The following ASIC2 variants were observed in gnomAD, a reference collection of about 807,000 sequenced individuals.
The protein encoded by ASIC2 is acid-sensing ion channel 2.
A neutral mutation model predicts 57.3 loss-of-function variants in ASIC2; 25 were observed. That is an observed-to-expected ratio of 0.44 (90% CI 0.32 to 0.61). ASIC2 has a LOEUF of 0.61. Ranked by LOEUF, ASIC2 falls within the 20% of genes least tolerant of loss-of-function variation. The pLI, the probability that ASIC2 is intolerant of heterozygous loss-of-function variation, is 0.06. For synonymous variants in ASIC2, 319 were observed against 307.5 expected, an observed-to-expected ratio of 1.04 and a Z score of -0.39; for missense variants, 641 against 738.1, an observed-to-expected ratio of 0.87 and a Z score of 1.52.
intron 1 of ASIC2, among the ~76,000 whole-genome samples, chr17:33,773,143 C>T (rs535572769): frequency 6.6e-6 from 1 of 152,244 alleles, no homozygotes; most frequent in Admixed American, 6.5e-5. Context: ...ACTTCTAAAA[C>T]TTTGTGTCTA....
intron 1 of ASIC2, among the ~76,000 whole-genome samples, chr17:33,872,923 C>A (rs957805058): frequency 6.6e-6 from 1 of 152,040 alleles, no homozygotes; most frequent in African/African-American, 2.4e-5. Context: ...GTTCCACAAG[C>A]CTGGGGTGGG....
At chr17:33,603,583 C>T (rs943322130) in intron 1 of ASIC2, among the ~76,000 whole-genome samples, 2 of 152,188 alleles carry the variant, frequency 1.3e-5, no homozygotes, top group African/African-American at 4.8e-5. Flanking sequence ...CATGAGGCCA[C>T]TCACCTGTTT....
intron 1 of ASIC2, among the ~76,000 whole-genome samples, chr17:33,484,955 G>T (rs908673650): frequency 6.6e-6 from 1 of 152,228 alleles, no homozygotes; most frequent in Non-Finnish European, 1.5e-5. Flanking sequence ...CACCTATGGG[G>T]TAGCCCTGCT....
intron 1 of ASIC2, chr17:33,572,209 CCACT>C (rs1916470313): frequency 1.3e-5 from 2 of 152,150 alleles, no homozygotes; most frequent in South Asian, 4.1e-4. Flanking sequence ...TGATATGGAA[CCACT>C]CACTCCTATT....
At chr17:33,158,431 G>C (rs190126013) in intron 1 of ASIC2, among the ~76,000 whole-genome samples, 244 of 152,334 alleles carry the variant, frequency 1.6e-3, no homozygotes, top group Admixed American at 3.5e-3. Context: ...ACTGGTCTAG[G>C]GGGTGAATGA....
Position 33,013,811 on chromosome 17 carries a change from G to C in ASIC2, c.*154C>G. The C allele has an allele frequency of 2.9e-6, 2 of 681,010 alleles. No individual in the cohort carries two copies. The highest frequency in any genetic ancestry group is 2.6e-6 in the Non-Finnish European group (1 of 387,086). The allele number at this position is 681,010 out of a possible 1,614,324, so 42.2% of individuals were successfully genotyped here. A position where few individuals can be genotyped will look rare whatever the true frequency, so the allele number is the denominator to read the frequency against. ...GGATGCGTCGTGTTGGACGTGGCCG[G>C]AGCGAGGTCTAGGCAGCTAGTCTGC... is the stretch of plus-strand genomic sequence containing the variant. On this transcript the variant is annotated 3_prime_UTR_variant, in exon 10 of 10. Transcript: ENST00000225823.
At chr17:33,269,984 C>T (rs923880579) in intron 1 of ASIC2, among the ~76,000 whole-genome samples, 7 of 152,168 alleles carry the variant, frequency 4.6e-5, no homozygotes, top group African/African-American at 1.7e-4. Context: ...CCTCTCTGCT[C>T]CATCCATGCA....
chr17:33,898,831 C>A (rs144010436), intron 1 of ASIC2, among the ~76,000 whole-genome samples: 3 of 152,134 alleles, frequency 2.0e-5, no homozygotes, highest in African/African-American at 7.2e-5. Flanking sequence ...GATTTTGCCC[C>A]AATTCTAAAT....
At chr17:33,450,220 G>A (rs910640130) in intron 1 of ASIC2, among the ~76,000 whole-genome samples, 1 of 152,184 alleles carries the variant, frequency 6.6e-6, no homozygotes, top group Non-Finnish European at 1.5e-5. Flanking sequence ...GGCACGCTCC[G>A]TATACATGCA....
chr17:33,367,308 C>T (rs1028158488), intron 1 of ASIC2, among the ~76,000 whole-genome samples: 2 of 152,314 alleles, frequency 1.3e-5, no homozygotes, highest in Admixed American at 6.5e-5. Context: ...GTACTAAACT[C>T]CACGAACTCC....
chr17:33,826,331 G>A (rs775557269), intron 1 of ASIC2, among the ~76,000 whole-genome samples: 12 of 152,200 alleles, frequency 7.9e-5, no homozygotes, highest in Non-Finnish European at 1.5e-4. Context: ...ATATGATGGA[G>A]GGCGCAGAGA....
intron 1 of ASIC2, among the ~76,000 whole-genome samples, chr17:33,626,870 C>T (rs1350616424): frequency 6.6e-6 from 1 of 152,156 alleles, no homozygotes; most frequent in Non-Finnish European, 1.5e-5. Context: ...GCCCTATGAA[C>T]ACAATTCTGA....
rs560807143 is a variant in ASIC2, at chr17:33,111,040, G to C, written c.859+877C>G. The stretch of plus-strand genomic sequence containing the variant: ...ACCTTCTCTTCCTGGTGAAATTCTA[G>C]AGGCTACCATCACTCCTTGGCTTGT... On this transcript the variant is annotated intron_variant, in intron 2 of 9. Transcript: ENST00000225823. 1.9e-4 allele frequency among the ~76,000 whole-genome samples: 29 copies of C among 152,278 alleles called. No homozygotes were observed. The South Asian group carries it at 5.8e-3, about 31-fold the overall frequency.
intron 1 of ASIC2, among the ~76,000 whole-genome samples, chr17:33,460,235 T>C (rs1227826121): frequency 1.3e-5 from 2 of 152,184 alleles, no homozygotes; most frequent in Non-Finnish European, 2.9e-5. Flanking sequence ...TGGCTTGAGC[T>C]GATTAGTATG....
intron 1 of ASIC2, among the ~76,000 whole-genome samples, chr17:33,284,648 G>A (rs540313835): frequency 6.6e-6 from 1 of 152,142 alleles, no homozygotes; most frequent in Non-Finnish European, 1.5e-5. Context: ...TGGCAGAATG[G>A]AGCCATAGGA....
In ASIC2 at chr17:34,156,693, G is replaced by A; in HGVS notation, c.-161C>T. 1.4e-6 allele frequency: 1 copy of A among 691,704 alleles called. No individual in the cohort carries two copies. The allele number at this position is 691,704 out of a possible 1,614,324, so 42.8% of individuals were successfully genotyped here. A position where few individuals can be genotyped will look rare whatever the true frequency, so the allele number is the denominator to read the frequency against. ...GTTTATCCTGAGAGCCCAGCCGCAC[G>A]CTGACAGGGGTGAGTGTTTATATAA... On this transcript the variant is annotated 5_prime_UTR_variant, in exon 1 of 10. Coordinates refer to the ASIC2 transcript ENST00000359872. The surrounding 1 kb of genome is among the most constrained non-coding windows in gnomAD (Gnocchi z 4.4).
chr17:33,021,011 G>A (rs541035039), intron 7 of ASIC2, among the ~76,000 whole-genome samples: 19 of 152,254 alleles, frequency 1.2e-4, no homozygotes, highest in Non-Finnish European at 2.4e-4. Context: ...GGAATAAATT[G>A]GGCCTGAAAT....
intron 1 of ASIC2, among the ~76,000 whole-genome samples, chr17:33,883,235 A>T (rs966257016): frequency 2.0e-5 from 3 of 152,200 alleles, no homozygotes; most frequent in Admixed American, 6.5e-5. Flanking sequence ...CCTAAAACTT[A>T]AAGTATAATA....
intron 1 of ASIC2, among the ~76,000 whole-genome samples, chr17:33,614,007 A>G (rs1318018333): frequency 1.3e-5 from 2 of 152,192 alleles, no homozygotes; most frequent in African/African-American, 4.8e-5. Flanking sequence ...GTTGAATGGG[A>G]TGCATTTGAT....
Sources: allele counts gnomAD v4.1 joint callset (sites outside exome capture counted in the v4.1 genomes callset), GRCh38; gene constraint gnomAD v4.1.1; non-coding constraint Gnocchi (gnomAD v3.1); transcripts MANE v1.5; gene names NCBI Gene and HGNC (gene_info 2026-07-23, HGNC 2026-07-21).